The following PDS5B variants were observed in gnomAD, a reference collection of about 807,000 sequenced individuals.
The protein encoded by PDS5B is PDS5 cohesin associated factor B, also known as sister chromatid cohesion protein PDS5 homolog B.
A neutral mutation model predicts 184.1 loss-of-function variants in PDS5B; 51 were observed. That is an observed-to-expected ratio of 0.28 (90% CI 0.22 to 0.35). PDS5B has a LOEUF of 0.35. PDS5B is among the 10% of genes least tolerant of loss of function. The probability of loss-of-function intolerance (pLI) is 1.00; values close to 1 mark genes in which losing one functional copy is unlikely to be tolerated. For missense variants in PDS5B, 1,180 were observed against 1,723.3 expected (o/e 0.68, Z 5.58); for synonymous variants, 566 against 569.2 (o/e 0.99, Z 0.08).
At chr13:32,742,515 ATT>A in intron 22 of PDS5B, 74 bp from the exon 23 acceptor site, 2 of 1,251,884 alleles carry the variant, frequency 1.6e-6, no homozygotes, top group Middle Eastern at 2.6e-4. Context: ...AATACATTTT[ATT>A]TTTAAAAAAA....
chr13:32,757,483 A>G (rs755845327), intron 26 of PDS5B, among the ~76,000 whole-genome samples: 9 of 144,422 alleles, frequency 6.2e-5, no homozygotes, highest in Non-Finnish European at 1.2e-4. Context: ...TTCTGTCTCT[A>G]TAATACATAG....
At chr13:32,732,467 G>C (rs1416530259) in intron 20 of PDS5B, among the ~76,000 whole-genome samples, 1 of 151,910 alleles carries the variant, frequency 6.6e-6, no homozygotes, top group Non-Finnish European at 1.5e-5. Context: ...TTATATATTT[G>C]TATTTGGAGA....
intron 19 of PDS5B, among the ~76,000 whole-genome samples, chr13:32,717,662 G>C (rs1213227592): frequency 2.2e-4 from 28 of 128,868 alleles, no homozygotes; most frequent in African/African-American, 6.5e-4. Context: ...ATCCCCCTCT[G>C]CGAGAAACAC....
At chr13:32,719,269 A>G (rs1952585457) in intron 19 of PDS5B, among the ~76,000 whole-genome samples, 1 of 152,122 alleles carries the variant, frequency 6.6e-6, no homozygotes, top group African/African-American at 2.4e-5. Context: ...TGCAGCCTCA[A>G]CTTCCTGGGC....
intron 13 of PDS5B, among the ~76,000 whole-genome samples, chr13:32,692,414 CCTTTTTTTTTTTT>C (rs1183845379): frequency 0.015 from 1,018 of 69,158 alleles, 177 homozygotes; most frequent in African/African-American, 0.048. Context: ...GTCCAAAAAG[CCTTTTTTTTTTTT>C]TTTTTTTTTT....
At chr13:32,621,524 T>C (rs1219868033) in intron 1 of PDS5B, among the ~76,000 whole-genome samples, 1 of 152,216 alleles carries the variant, frequency 6.6e-6, no homozygotes, top group Non-Finnish European at 1.5e-5. Flanking sequence ...TGGAATCGTT[T>C]GTGTAAGATG....
chr13:32,716,012 C>T (rs1952391211), intron 19 of PDS5B, among the ~76,000 whole-genome samples: 1 of 151,326 alleles, frequency 6.6e-6, no homozygotes. Context: ...CTCGCTACAA[C>T]CTCCACCTCC....
At chr13:32,714,424 G>T (rs1952306568) in intron 19 of PDS5B, among the ~76,000 whole-genome samples, 1 of 152,134 alleles carries the variant, frequency 6.6e-6, no homozygotes, top group South Asian at 2.1e-4. Context: ...AGGAGACAGG[G>T]TTTTGAGATC....
intron 1 of PDS5B, among the ~76,000 whole-genome samples, chr13:32,612,364 G>A (rs761290853): frequency 3.9e-5 from 6 of 151,950 alleles, no homozygotes; most frequent in African/African-American, 1.2e-4. Context: ...CACCATGCCC[G>A]GCCCACATTG....
chr13:32,638,033 A>G (rs1285575040), intron 1 of PDS5B, among the ~76,000 whole-genome samples: 1 of 152,200 alleles, frequency 6.6e-6, no homozygotes, highest in East Asian at 1.9e-4. Context: ...ATCTACAGAT[A>G]TGCCTCTGTG....
intron 3 of PDS5B, among the ~76,000 whole-genome samples, chr13:32,654,627 T>C (rs1950453130): frequency 6.6e-6 from 1 of 152,166 alleles, no homozygotes; most frequent in East Asian, 1.9e-4. Context: ...CAGATTATTT[T>C]GTCACCCAGG....
At chr13:32,635,448 A>T (rs1213139534) in intron 1 of PDS5B, among the ~76,000 whole-genome samples, 1 of 146,876 alleles carries the variant, frequency 6.8e-6, no homozygotes, top group Non-Finnish European at 1.5e-5. Flanking sequence ...GGTTCAAGTG[A>T]TTCTCCTGCC....
rs115111573 is a variant in PDS5B at position 32,712,961 on chromosome 13, C to T, written c.2123+2855C>T. Among the ~76,000 whole-genome samples, 521 of 152,270 alleles carry T rather than the reference C, an allele frequency of 3.4e-3. 2 individuals carry two copies. Among genetic ancestry groups the T allele is most frequent in the African/African-American group, 4.4e-3 (184 of 41,568 alleles). On this transcript the variant is annotated intron_variant, in intron 19 of 34. Transcript: ENST00000315596. ...GAAGATGAGTTATGGGGTTCCATAA[C>T]GATGAGTTATATGAGTTCCATTGTG...
chr13:32,694,071 C>A (rs1951630276), intron 13 of PDS5B, 152 bp from the exon 14 acceptor site: 2 of 576,312 alleles, frequency 3.5e-6, no homozygotes, highest in East Asian at 6.4e-5. Flanking sequence ...CATTCTTTCC[C>A]TCTACACATT....
At chr13:32,605,053 G>GT (rs1478590896) in intron 1 of PDS5B, among the ~76,000 whole-genome samples, 6 of 152,218 alleles carry the variant, frequency 3.9e-5, no homozygotes, top group Non-Finnish European at 5.9e-5. Flanking sequence ...ATTTTGAAGG[G>GT]TTTTTTGTGT....
At chr13:32,768,193 C>G (rs994611639) in intron 31 of PDS5B, among the ~76,000 whole-genome samples, 2 of 152,146 alleles carry the variant, frequency 1.3e-5, no homozygotes, top group African/African-American at 4.8e-5. Context: ...GCTGGAAGTA[C>G]AAGATCAAGG....
intron 1 of PDS5B, among the ~76,000 whole-genome samples, chr13:32,637,329 T>C (rs1031408111): frequency 6.7e-6 from 1 of 148,264 alleles, no homozygotes; most frequent in African/African-American, 2.5e-5. Context: ...ATTGCCAAGC[T>C]TCATTCCCAG....
At chr13:32,676,620 A>G (rs1951070062) in intron 9 of PDS5B, among the ~76,000 whole-genome samples, 1 of 152,080 alleles carries the variant, frequency 6.6e-6, no homozygotes, top group African/African-American at 2.4e-5. Flanking sequence ...ATAACAAATA[A>G]TGCAGTTAAG....
At chr13:32,626,188 T>C (rs1001775985) in intron 1 of PDS5B, among the ~76,000 whole-genome samples, 1 of 152,144 alleles carries the variant, frequency 6.6e-6, no homozygotes, top group Non-Finnish European at 1.5e-5. Flanking sequence ...GCTGCTCTAA[T>C]TGAAGGTCTG....
Sources: gnomAD v4.1 joint callset for allele counts (sites outside exome capture counted in the v4.1 genomes callset) on GRCh38, gnomAD v4.1.1 for gene constraint, MANE v1.5 for transcripts, NCBI Gene and HGNC (gene_info 2026-07-23, HGNC 2026-07-21) for gene names.